Variants in PLD5 observed in about 807,000 individuals in gnomAD.
The protein encoded by PLD5 is phospholipase D family member 5.
PLD5 carries 36 observed loss-of-function variants against 61.1 expected under a neutral mutation model. The ratio of observed to expected loss-of-function variants is 0.59; its 90% CI spans 0.45 to 0.78. The LOEUF is 0.78. Ranked by LOEUF, PLD5 falls within the 30% of genes least tolerant of loss-of-function variation. PLD5 has a pLI of 0.00. For synonymous variants in PLD5, 243 were observed against 242.8 expected, an observed-to-expected ratio of 1.00 and a Z score of -0.01; for missense variants, 515 against 644.4, an observed-to-expected ratio of 0.80 and a Z score of 2.17.
rs532450875 is a variant in PLD5 at position 242,250,879 on chromosome 1, G to A, written c.607+14458C>T. Among the ~76,000 whole-genome samples the A allele has an allele frequency of 1.5e-4, 23 of 152,048 alleles. No homozygotes were observed. In the South Asian group the frequency reaches 4.6e-3, roughly 30 times the overall value. On this transcript the variant is annotated intron_variant, in intron 4 of 9. Coordinates refer to ENST00000536534, the MANE Select transcript of PLD5 (RefSeq NM_001372062.1). The stretch of plus-strand genomic sequence containing the variant: ...GGCCTAAGTTAGAGTAGTAGAGGGA[G>A]GGAGGGAAAAGGAGAACTATTTCCA...
At chr1:242,204,840 C>T (rs1294809453) in intron 5 of PLD5, among the ~76,000 whole-genome samples, 1 of 152,110 alleles carries the variant, frequency 6.6e-6, no homozygotes, top group African/African-American at 2.4e-5. Context: ...TATCTGACTG[C>T]AACCACTATG....
chr1:242,251,493 C>T lies in PLD5; in HGVS notation c.607+13844G>A, dbSNP rs188231474. On this transcript the variant is annotated intron_variant, in intron 4 of 9. Coordinates refer to ENST00000536534, the MANE Select transcript of PLD5 (RefSeq NM_001372062.1). ...GATACAAGGTCTAAGATATTCCCAC[C>T]GAGTTCCATACCTGGAAGTCCTCCG... is the stretch of plus-strand genomic sequence containing the variant. Among the ~76,000 whole-genome samples, 40 of 152,272 alleles carry T rather than the reference C, an allele frequency of 2.6e-4. No homozygotes were observed. The East Asian group carries it at 7.0e-3, about 26-fold the overall frequency.
intron 5 of PLD5, among the ~76,000 whole-genome samples, chr1:242,143,723 C>A (rs1664343418): frequency 6.6e-6 from 1 of 152,134 alleles, no homozygotes; most frequent in Admixed American, 6.5e-5. Context: ...AATGTAGCTG[C>A]CTCAGGGACC....
At chr1:242,512,350 G>A (rs1319759880) in intron 1 of PLD5, among the ~76,000 whole-genome samples, 1 of 149,558 alleles carries the variant, frequency 6.7e-6, no homozygotes, top group Non-Finnish European at 1.5e-5. Flanking sequence ...AACCTGAGAG[G>A]CAGAGCTTGC....
intron 9 of PLD5, 54 bp from the exon 10 acceptor site, chr1:242,090,164 C>G: frequency 6.3e-7 from 1 of 1,586,270 alleles, no homozygotes; most frequent in Non-Finnish European, 8.6e-7. Context: ...TGGGAACATA[C>G]CCAATATAAT....
At chr1:242,210,090 C>T (rs1669706087) in intron 5 of PLD5, among the ~76,000 whole-genome samples, 1 of 152,136 alleles carries the variant, frequency 6.6e-6, no homozygotes, top group African/African-American at 2.4e-5. Flanking sequence ...CTACCATGCC[C>T]CACTGCATCT....
intron 1 of PLD5, among the ~76,000 whole-genome samples, chr1:242,422,442 T>C (rs1665196096): frequency 6.6e-6 from 1 of 152,234 alleles, no homozygotes; most frequent in Non-Finnish European, 1.5e-5. Flanking sequence ...TAGCCAACTA[T>C]AATAAATTTC....
chr1:242,266,329 C>T (rs1673669033), intron 3 of PLD5, among the ~76,000 whole-genome samples: 1 of 152,134 alleles, frequency 6.6e-6, no homozygotes, highest in African/African-American at 2.4e-5. Context: ...TACAGTGAAC[C>T]AAGGTTGCAC....
Position 242,406,426 on chromosome 1 carries a change from C to T in PLD5, c.190-58184G>A, listed in dbSNP as rs577425163. Among the ~76,000 whole-genome samples the T allele has an allele frequency of 1.6e-4, 24 of 152,308 alleles. No homozygotes were observed. In the South Asian group the frequency reaches 3.7e-3, roughly 24 times the overall value. ...ACCAATATAACTATGCCCAAGAAAA[C>T]AATCAACACTTCTCAAAGGCTAATG... On this transcript the variant is annotated intron_variant, in intron 1 of 9. Transcript: ENST00000536534.
intron 1 of PLD5, among the ~76,000 whole-genome samples, chr1:242,461,432 A>C (rs1572191109): frequency 6.6e-6 from 1 of 152,172 alleles, no homozygotes; most frequent in African/African-American, 2.4e-5. Context: ...TCAGGAAGGG[A>C]TTGCAATCAT....
intron 4 of PLD5, among the ~76,000 whole-genome samples, chr1:242,223,433 C>T (rs1176897930): frequency 6.6e-6 from 1 of 152,190 alleles, no homozygotes; most frequent in Non-Finnish European, 1.5e-5. Flanking sequence ...GGAGTCCTTA[C>T]TGCTGTATCA....
chr1:242,100,573 C>T lies in PLD5; in HGVS notation c.1354+95G>A, dbSNP rs944739875. 6.3e-5 allele frequency: 54 copies of T among 855,980 alleles called. No homozygotes were observed. In the East Asian group the frequency reaches 7.5e-4, roughly 12 times the overall value. The allele number at this position is 855,980 out of a possible 1,614,324, so 53.0% of individuals were successfully genotyped here. On this transcript the variant is annotated intron_variant, in intron 9 of 9. Coordinates refer to ENST00000536534, the MANE Select transcript of PLD5 (RefSeq NM_001372062.1). ...CATTCACCAGCAGTGGTTCCCAAGG[C>T]CTTGCTTCCTCACCAGGGGATACCG...
At chr1:242,369,196 C>T (rs988879812) in intron 1 of PLD5, among the ~76,000 whole-genome samples, 4 of 152,090 alleles carry the variant, frequency 2.6e-5, no homozygotes, top group Non-Finnish European at 4.4e-5. Context: ...GTCTTCCAAG[C>T]AAGTACATCT....
At chr1:242,221,715 C>T (rs929141999) in intron 4 of PLD5, among the ~76,000 whole-genome samples, 5 of 152,078 alleles carry the variant, frequency 3.3e-5, no homozygotes, top group Non-Finnish European at 5.9e-5. Context: ...AGTTGCAGAT[C>T]CCAGAGGAGG....
chr1:242,139,161 G>T (rs1663970455), intron 5 of PLD5, among the ~76,000 whole-genome samples: 1 of 151,932 alleles, frequency 6.6e-6, no homozygotes, highest in Admixed American at 6.6e-5. Flanking sequence ...AGTAACCCCA[G>T]GTCTGCCTGC....
chr1:242,422,384 T>A (rs1031898012), intron 1 of PLD5, among the ~76,000 whole-genome samples: 3 of 152,202 alleles, frequency 2.0e-5, no homozygotes, highest in African/African-American at 7.2e-5. Flanking sequence ...AGCTCAGGAC[T>A]TTACACAGAT....
chr1:242,215,507 A>C (rs1157949606), intron 5 of PLD5, among the ~76,000 whole-genome samples: 1 of 152,208 alleles, frequency 6.6e-6, no homozygotes. Context: ...GCACTTTGCT[A>C]AAACCTCTCA....
intron 1 of PLD5, among the ~76,000 whole-genome samples, chr1:242,472,382 C>T (rs892048407): frequency 5.3e-5 from 8 of 152,130 alleles, no homozygotes; most frequent in Non-Finnish European, 1.0e-4. Flanking sequence ...CAAGGTGCGC[C>T]GATAGAGCAG....
chr1:242,506,953 G>A (rs554386604), intron 1 of PLD5, among the ~76,000 whole-genome samples: 12 of 152,236 alleles, frequency 7.9e-5, no homozygotes, highest in East Asian at 5.8e-4. Context: ...TGATCACAGC[G>A]GGAGCCACCA....
Sources: gnomAD v4.1 joint callset for allele counts (sites outside exome capture counted in the v4.1 genomes callset) on GRCh38, gnomAD v4.1.1 for gene constraint, MANE v1.5 for transcripts, NCBI Gene and HGNC (gene_info 2026-07-23, HGNC 2026-07-21) for gene names.